The following TRPM3 variants were observed in gnomAD, a reference collection of about 807,000 sequenced individuals.
TRPM3 encodes long transient receptor potential channel 3.
TRPM3 carries 77 observed loss-of-function variants against 181.2 expected under a neutral mutation model. The ratio of observed to expected loss-of-function variants is 0.42; its 90% CI spans 0.35 to 0.51. The LOEUF is 0.51. TRPM3 is among the 20% of genes least tolerant of loss of function. TRPM3 has a pLI of 0.01. For missense variants in TRPM3, 1,759 were observed against 2,196.7 expected (o/e 0.80, Z 3.98); for synonymous variants, 745 against 796.4 (o/e 0.94, Z 1.09).
intron 12 of TRPM3, among the ~76,000 whole-genome samples, chr9:70,626,896 C>G (rs572549570): frequency 7.2e-5 from 11 of 152,222 alleles, no homozygotes; most frequent in African/African-American, 2.6e-4. Flanking sequence ...ATCATTAAAC[C>G]TATAGCTTTA....
Position 70,877,804 on chromosome 9 carries a change from A to AAC in TRPM3, c.178-13295_178-13294dup, listed in dbSNP as rs5898169. 6.9e-3 allele frequency among the ~76,000 whole-genome samples: 1,006 copies of AAC among 146,214 alleles called. 6 individuals are homozygous for AAC. Among genetic ancestry groups the AAC allele is most frequent in the South Asian group, 0.016 (73 of 4,518 alleles). Reference sequence around the variant, plus strand: ...CCTAAGTGCAAAGAGAAAATCATAAAACACACACACACACACACACACACA... The same window carrying AAC: ...CCTAAGTGCAAAGAGAAAATCATAAAACACACACACACACACACACACACACA... On this transcript the variant is annotated intron_variant, in intron 1 of 25. Transcript: ENST00000677713.
At chr9:71,248,770 G>C (rs140239035) in intron 1 of TRPM3, among the ~76,000 whole-genome samples, 1 of 152,074 alleles carries the variant, frequency 6.6e-6, no homozygotes, top group Non-Finnish European at 1.5e-5. Context: ...ACACATGTAC[G>C]TAACTACTTA....
intron 1 of TRPM3, among the ~76,000 whole-genome samples, chr9:71,277,534 A>T (rs944901900): frequency 2.0e-5 from 3 of 152,030 alleles, no homozygotes; most frequent in Admixed American, 6.6e-5. Context: ...AAGGAGTCTA[A>T]TTTTTTTTAA....
At chr9:70,988,222 A>G (rs966987248) in intron 1 of TRPM3, among the ~76,000 whole-genome samples, 3 of 152,316 alleles carry the variant, frequency 2.0e-5, no homozygotes, top group African/African-American at 7.2e-5. Context: ...AATGAACGCA[A>G]AGCTTGCCAC....
chr9:70,762,635 T>C (rs2078347304), intron 7 of TRPM3, among the ~76,000 whole-genome samples: 1 of 152,216 alleles, frequency 6.6e-6, no homozygotes. Flanking sequence ...CAAATTGCTT[T>C]CATAATTAAA....
At chr9:70,596,357 A>T (rs948571367) in intron 21 of TRPM3, among the ~76,000 whole-genome samples, 1 of 152,216 alleles carries the variant, frequency 6.6e-6, no homozygotes, top group Non-Finnish European at 1.5e-5. Flanking sequence ...TTCAGTAGAG[A>T]TACACATACA....
intron 1 of TRPM3, among the ~76,000 whole-genome samples, chr9:70,947,012 G>A (rs2096940981): frequency 6.6e-6 from 1 of 152,130 alleles, no homozygotes; most frequent in Non-Finnish European, 1.5e-5. Flanking sequence ...ATTACAAATA[G>A]TGCTGCTATA....
At chr9:70,599,381 A>T (rs1299626410) in intron 20 of TRPM3, among the ~76,000 whole-genome samples, 3 of 152,104 alleles carry the variant, frequency 2.0e-5, no homozygotes, top group Admixed American at 6.5e-5. Flanking sequence ...ACCTCAATTA[A>T]AAAAAAGACT....
chr9:71,045,459 A>C (rs1055495939), intron 1 of TRPM3, among the ~76,000 whole-genome samples: 1 of 152,210 alleles, frequency 6.6e-6, no homozygotes, highest in Non-Finnish European at 1.5e-5. Flanking sequence ...CTGGCCTCTA[A>C]GTTTTCTTTC....
chr9:70,741,407 C>T (rs1370553318), intron 8 of TRPM3, among the ~76,000 whole-genome samples: 1 of 152,166 alleles, frequency 6.6e-6, no homozygotes, highest in Non-Finnish European at 1.5e-5. Flanking sequence ...ATGAAAAACA[C>T]TGTGGATATT....
chr9:70,615,955 G>A lies in TRPM3; in HGVS notation c.2479C>T (p.Pro827Ser), dbSNP rs776586196. 1.2e-6 allele frequency: 2 copies of A among 1,612,676 alleles called. No homozygotes were observed. The highest frequency in any genetic ancestry group is 2.2e-5 in the South Asian group (2 of 90,780). ...IHLQEKEAEE[P>S]EKPTKEKEEE... ...TCTTTTTCCTTTGTGGGCTTCTCTG[G>A]TTCTTCTGCCTCCTTCTCTTGGAGG... The change falls in exon 18 of 26, where the codon CCA becomes TCA. Residue 827 changes from proline to serine, a missense_variant. Pro to Ser is a moderately conservative substitution (Grantham distance 74). Around this residue, in one of 8 missense-constraint regions of TRPM3, gnomAD observed 114 missense variants for 134.8 expected, o/e 0.85. Coordinates refer to ENST00000677713, the MANE Select transcript of TRPM3 (RefSeq NM_001366145.2).
intron 1 of TRPM3, among the ~76,000 whole-genome samples, chr9:71,211,061 A>C (rs2079466228): frequency 6.6e-6 from 1 of 152,168 alleles, no homozygotes; most frequent in Admixed American, 6.5e-5. Flanking sequence ...GCTTGAGCAT[A>C]TGAATTTTGG....
chr9:71,314,784 A>T (rs549152060), intron 1 of TRPM3, among the ~76,000 whole-genome samples: 1 of 151,672 alleles, frequency 6.6e-6, no homozygotes, highest in Non-Finnish European at 1.5e-5. Flanking sequence ...TCCTATAAAC[A>T]TGTCAGTGTC....
intron 1 of TRPM3, among the ~76,000 whole-genome samples, chr9:70,886,395 GTAATT>G (rs1325091679): frequency 6.6e-6 from 1 of 152,198 alleles, no homozygotes; most frequent in Non-Finnish European, 1.5e-5. Flanking sequence ...AAAAATAGCA[GTAATT>G]TAAAGTAATT....
At chr9:70,923,188 A>G (rs1239959646) in intron 1 of TRPM3, among the ~76,000 whole-genome samples, 1 of 152,196 alleles carries the variant, frequency 6.6e-6, no homozygotes, top group East Asian at 1.9e-4. Flanking sequence ...AAGCCTAAAA[A>G]ACCTGAAAGC....
chr9:70,998,176 T>C (rs1444639548), intron 1 of TRPM3, among the ~76,000 whole-genome samples: 1 of 145,574 alleles, frequency 6.9e-6, no homozygotes, highest in African/African-American at 2.5e-5. Context: ...TATATACACA[T>C]ATATATACAT....
chr9:70,895,905 A>T (rs2096273065), intron 1 of TRPM3, among the ~76,000 whole-genome samples: 1 of 152,198 alleles, frequency 6.6e-6, no homozygotes, highest in Non-Finnish European at 1.5e-5. Context: ...CTAAATTAGG[A>T]ATGGGAGAGT....
At chr9:71,052,750 T>C (rs896590026) in intron 1 of TRPM3, among the ~76,000 whole-genome samples, 1 of 151,860 alleles carries the variant, frequency 6.6e-6, no homozygotes, top group African/African-American at 2.4e-5. Context: ...CATCCCTAGG[T>C]ATCTAGGAGT....
chr9:71,162,762 G>A (rs2076342345), intron 1 of TRPM3, among the ~76,000 whole-genome samples: 1 of 152,132 alleles, frequency 6.6e-6, no homozygotes, highest in Non-Finnish European at 1.5e-5. Context: ...GAGATAAAGT[G>A]AATAGAATTT....
Sources: allele counts gnomAD v4.1 joint callset (sites outside exome capture counted in the v4.1 genomes callset), GRCh38; gene constraint gnomAD v4.1.1; regional missense constraint gnomAD v4.1.1; transcripts MANE v1.5; gene names NCBI Gene and HGNC (gene_info 2026-07-23, HGNC 2026-07-21).